KLRD1: variants seen among roughly 807,000 people sequenced by gnomAD.
KLRD1 encodes the protein natural killer cells antigen CD94.
A neutral mutation model predicts 22.6 loss-of-function variants in KLRD1; 21 were observed. That is an observed-to-expected ratio of 0.93 (90% confidence interval 0.66 to 1.34). The LOEUF (loss-of-function observed/expected upper bound fraction) is 1.34, where lower values mean the gene tolerates loss of function less well. Among genes scored for constraint, KLRD1 ranks in the 40% most tolerant of loss-of-function variants. The pLI is 0.00. For missense variants in KLRD1, 183 were observed against 208.6 expected (o/e 0.88, Z 0.76); for synonymous variants, 59 against 71.1 (o/e 0.83, Z 0.85).
At chr12:10,286,662 C>CTT (rs747241701) in intron 1 of KLRD1, among the ~76,000 whole-genome samples, 3,776 of 54,750 alleles carry the variant, frequency 0.069, 1,465 homozygotes, top group East Asian at 0.16. Context: ...GCTTATGGTG[C>CTT]TTTTTTTTTT....
chr12:10,298,937 T>C (rs935450556), intron 1 of KLRD1, among the ~76,000 whole-genome samples: 2 of 152,222 alleles, frequency 1.3e-5, no homozygotes, highest in Non-Finnish European at 2.9e-5. Context: ...GTGTCTTTAA[T>C]TCCTCTAGCA....
intron 1 of KLRD1, among the ~76,000 whole-genome samples, chr12:10,290,754 T>A (rs1949760882): frequency 6.6e-6 from 1 of 152,198 alleles, no homozygotes; most frequent in African/African-American, 2.4e-5. Flanking sequence ...GTGGCAAGTA[T>A]TTTCTGGAAT....
At chr12:10,246,579 A>G (rs1191296039) in intron 1 of KLRD1, among the ~76,000 whole-genome samples, 1 of 152,218 alleles carries the variant, frequency 6.6e-6, no homozygotes, top group Non-Finnish European at 1.5e-5. Flanking sequence ...TATGGTGTAT[A>G]GTAATATATG....
chr12:10,243,631 A>AAAAACAAAAAG (rs771543645), intron 1 of KLRD1, among the ~76,000 whole-genome samples: 1 of 118,720 alleles, frequency 8.4e-6, no homozygotes, highest in Non-Finnish European at 1.6e-5. Context: ...AAAAAAAAAA[A>AAAAACAAAAAG]AACCGAAATG....
intron 1 of KLRD1, among the ~76,000 whole-genome samples, chr12:10,240,392 T>C (rs1019653035): frequency 2.6e-5 from 4 of 151,846 alleles, no homozygotes; most frequent in African/African-American, 4.9e-5. Flanking sequence ...CTTTTTTTTT[T>C]CTTTGCTTTC....
At chr12:10,291,162 A>G (rs1949766792) in intron 1 of KLRD1, among the ~76,000 whole-genome samples, 1 of 152,218 alleles carries the variant, frequency 6.6e-6, no homozygotes, top group Non-Finnish European at 1.5e-5. Flanking sequence ...TTGCCAGAAA[A>G]TGTTAACAAT....
chr12:10,296,654 T>C (rs1452031720), intron 1 of KLRD1, among the ~76,000 whole-genome samples: 1 of 152,238 alleles, frequency 6.6e-6, no homozygotes, highest in Non-Finnish European at 1.5e-5. Flanking sequence ...TAATAATTTA[T>C]ACTCCATGAG....
At chr12:10,281,563 C>T (rs1949643296) in intron 1 of KLRD1, among the ~76,000 whole-genome samples, 1 of 152,106 alleles carries the variant, frequency 6.6e-6, no homozygotes, top group Admixed American at 6.6e-5. Flanking sequence ...AGTTGCAGGG[C>T]TCCGCAGGGA....
chr12:10,259,207 T>C (rs1949426089), intron 1 of KLRD1, among the ~76,000 whole-genome samples: 1 of 152,228 alleles, frequency 6.6e-6, no homozygotes, highest in Non-Finnish European at 1.5e-5. Flanking sequence ...ATTCTAAGAA[T>C]TATTCTAATA....
intron 4 of KLRD1, 100 bp from the exon 5 acceptor site, chr12:10,313,310 C>A: frequency 1.7e-6 from 1 of 581,804 alleles, no homozygotes; most frequent in Non-Finnish European, 2.9e-6. Context: ...GTGTGATGGA[C>A]AGGCTGAATC....
chr12:10,305,773 A>G (rs1036239189), upstream of KLRD1, among the ~76,000 whole-genome samples: 3 of 152,230 alleles, frequency 2.0e-5, no homozygotes, highest in African/African-American at 7.2e-5. Context: ...TCCAAGGGAC[A>G]TAGGCGAGGC....
intron 1 of KLRD1, among the ~76,000 whole-genome samples, chr12:10,272,527 C>T (rs1032138063): frequency 1.3e-5 from 2 of 152,154 alleles, no homozygotes; most frequent in Non-Finnish European, 2.9e-5. Flanking sequence ...ACAGCAGAAT[C>T]TGGTTTTACC....
chr12:10,304,524 C>G (rs1949895167), upstream of KLRD1: 2 of 152,176 alleles, frequency 1.3e-5, no homozygotes, highest in South Asian at 2.1e-4. Context: ...AATGCCTCAG[C>G]CTCCCAAGTA....
chr12:10,273,264 A>G (rs1949565084), intron 1 of KLRD1, among the ~76,000 whole-genome samples: 1 of 152,184 alleles, frequency 6.6e-6, no homozygotes, highest in Admixed American at 6.5e-5. Context: ...TGATACATTA[A>G]GTGGAAAAAA....
At chr12:10,307,397 A>G (rs1949949568), upstream of KLRD1, among the ~76,000 whole-genome samples, 1 of 152,144 alleles carries the variant, frequency 6.6e-6, no homozygotes, top group South Asian at 2.1e-4. Context: ...TTAGGTAGAG[A>G]TCAGAAGAAC....
chr12:10,320,053 A>G lies in KLRD1; in HGVS notation c.*5260A>G, dbSNP rs1950297264. ...GCTAATTTTTTTGTATTTTTAGTACAGACGGGGTTTCACCATGTTGGTCAG... is the reference window on the plus strand; with the variant it reads ...GCTAATTTTTTTGTATTTTTAGTACGGACGGGGTTTCACCATGTTGGTCAG... On this transcript the variant is annotated 3_prime_UTR_variant, in exon 6 of 6. Coordinates refer to ENST00000336164, the MANE Select transcript of KLRD1 (RefSeq NM_002262.5). 2 of 151,818 alleles carry G rather than the reference A, an allele frequency of 1.3e-5. No individual in the cohort carries two copies. Among genetic ancestry groups the G allele is most frequent in the Admixed American group, 1.3e-4 (2 of 15,236 alleles). The allele number at this position is 151,818 out of a possible 1,614,324, so 9.4% of individuals were successfully genotyped here.
rs1343537833 is a variant in KLRD1, at chr12:10,315,579, TTTG to T, written c.*791_*793del. 1 of 153,946 alleles carries T rather than the reference TTTG, an allele frequency of 6.5e-6. No individual in the cohort carries two copies. The highest frequency in any genetic ancestry group is 2.4e-5 in the African/African-American group (1 of 41,450). The allele number at this position is 153,946 out of a possible 1,614,324, so 9.5% of individuals were successfully genotyped here. ...TTCTGGAGATTTGTAATGTTTTGGT[TTTG>T]TTGTCCATGTGACTACAAAATAATA... On this transcript the variant is annotated 3_prime_UTR_variant, in exon 6 of 6. Transcript: ENST00000336164.
At chr12:10,293,286 G>A (rs1949794303) in intron 1 of KLRD1, among the ~76,000 whole-genome samples, 1 of 150,848 alleles carries the variant, frequency 6.6e-6, no homozygotes, top group Non-Finnish European at 1.5e-5. Flanking sequence ...TTCGGCCTAT[G>A]TGGGCTTTCA....
intron 1 of KLRD1, among the ~76,000 whole-genome samples, chr12:10,263,533 C>T (rs953753638): frequency 1.1e-4 from 16 of 152,054 alleles, no homozygotes; most frequent in African/African-American, 3.4e-4. Context: ...TCCGTGGTCA[C>T]GTATAAAAGA....
Sources: allele counts gnomAD v4.1 joint callset (sites outside exome capture counted in the v4.1 genomes callset), GRCh38; gene constraint gnomAD v4.1.1; transcripts MANE v1.5; gene names NCBI Gene and HGNC (gene_info 2026-07-23, HGNC 2026-07-21).